ELAPOR2: variants seen among roughly 807,000 people sequenced by gnomAD.
The protein encoded by ELAPOR2 is endosome/lysosome-associated apoptosis and autophagy regulator family member 2.
ELAPOR2 carries 89 observed loss-of-function variants against 120.7 expected under a neutral mutation model. The observed-to-expected ratio is 0.74, with a 90% confidence interval of 0.62 to 0.88. ELAPOR2 has a LOEUF of 0.88. ELAPOR2 is among the 40% of genes least tolerant of loss of function. ELAPOR2 has a pLI of 0.00. For missense variants in ELAPOR2, 1,134 were observed against 1,251.6 expected, an observed-to-expected ratio of 0.91 and a Z score of 1.42; for synonymous variants, 444 against 444.9, an observed-to-expected ratio of 1.00 and a Z score of 0.03.
chr7:87,004,361 A>T (rs1249434049), intron 1 of ELAPOR2, among the ~76,000 whole-genome samples: 1 of 152,170 alleles, frequency 6.6e-6, no homozygotes, highest in Non-Finnish European at 1.5e-5. Flanking sequence ...TATGAAACAA[A>T]ATCAATGTTT....
chr7:86,925,493 C>G, intron 10 of ELAPOR2, 35 bp downstream of exon 10: 1 of 1,605,778 alleles, frequency 6.2e-7, no homozygotes, highest in South Asian at 1.1e-5. Flanking sequence ...GTCTCTATTG[C>G]TGAAATACAT....
intron 2 of ELAPOR2, among the ~76,000 whole-genome samples, chr7:86,961,889 G>A (rs752637424): frequency 3.9e-5 from 6 of 152,152 alleles, no homozygotes; most frequent in South Asian, 2.1e-4. Context: ...TGGAGCTAGC[G>A]GAGAGGAGGA....
chr7:86,981,990 G>A (rs1455538329), intron 1 of ELAPOR2, among the ~76,000 whole-genome samples: 1 of 152,246 alleles, frequency 6.6e-6, no homozygotes, highest in East Asian at 1.9e-4. Flanking sequence ...TTAGCAAACG[G>A]CAAGCCAAGA....
chr7:87,023,904 C>T (rs550556336), intron 1 of ELAPOR2, among the ~76,000 whole-genome samples: 11 of 152,214 alleles, frequency 7.2e-5, no homozygotes, highest in South Asian at 4.2e-4. Flanking sequence ...GTGATTTTTG[C>T]ACACTGATTT....
chr7:87,006,306 G>A (rs143725548), intron 1 of ELAPOR2, among the ~76,000 whole-genome samples: 11 of 147,642 alleles, frequency 7.5e-5, no homozygotes, highest in African/African-American at 2.5e-4. Flanking sequence ...CCAGGGAAAT[G>A]CAAATTAAAA....
At chr7:86,885,823 C>T (rs962622111) in intron 21 of ELAPOR2, among the ~76,000 whole-genome samples, 17 of 152,160 alleles carry the variant, frequency 1.1e-4, no homozygotes, top group African/African-American at 4.1e-4. Context: ...GTTGCTTCTA[C>T]ATCTGAATAT....
At chr7:86,899,676 G>A (rs1788623349) in intron 18 of ELAPOR2, among the ~76,000 whole-genome samples, 1 of 152,036 alleles carries the variant, frequency 6.6e-6, no homozygotes, top group African/African-American at 2.4e-5. Flanking sequence ...ATTTTTACAT[G>A]CCTATCTTTC....
In ELAPOR2 at chr7:86,879,340, A is replaced by G. The variant is rs1250025261; in HGVS notation, c.*1131T>C. On this transcript the variant is annotated 3_prime_UTR_variant, in exon 22 of 22. Transcript: ENST00000450689. ...TCTGGATCACTTTTGAATAAGAACA[A>G]TAATTCTTTCATAACTGCTTATGAA... 3.3e-5 allele frequency: 5 copies of G among 152,208 alleles called. No individual in the cohort carries two copies. The highest frequency in any genetic ancestry group is 7.3e-5 in the Non-Finnish European group (5 of 68,032). The allele number at this position is 152,208 out of a possible 1,614,324, so 9.4% of individuals were successfully genotyped here.
At chr7:87,018,328 C>T in intron 1 of ELAPOR2, among the ~76,000 whole-genome samples, 1 of 152,092 alleles carries the variant, frequency 6.6e-6, no homozygotes, top group East Asian at 1.9e-4. Context: ...CGCGAGCCAC[C>T]ACGCCCGGCC....
At chr7:86,898,185 C>T (rs918955478) in intron 18 of ELAPOR2, among the ~76,000 whole-genome samples, 4 of 152,076 alleles carry the variant, frequency 2.6e-5, no homozygotes, top group African/African-American at 9.7e-5. Flanking sequence ...GTAAGGCATA[C>T]CACAACTTGG....
chr7:86,896,164 G>A (rs967713156), intron 19 of ELAPOR2, among the ~76,000 whole-genome samples: 1 of 151,976 alleles, frequency 6.6e-6, no homozygotes, highest in African/African-American at 2.4e-5. Context: ...TTTGTATAAT[G>A]CTTTAAATTA....
chr7:87,046,561 G>A (rs910089556), intron 1 of ELAPOR2, among the ~76,000 whole-genome samples: 10 of 152,268 alleles, frequency 6.6e-5, no homozygotes, highest in Admixed American at 2.6e-4. Flanking sequence ...ATGTGTCGAC[G>A]GAGGGAACTG....
At chr7:86,986,997 G>C (rs1387821678) in intron 1 of ELAPOR2, among the ~76,000 whole-genome samples, 5 of 150,338 alleles carry the variant, frequency 3.3e-5, no homozygotes, top group African/African-American at 9.8e-5. Flanking sequence ...CCAAAACAGA[G>C]ACATAGACCA....
chr7:86,900,768 C>T (rs954142112), intron 18 of ELAPOR2, among the ~76,000 whole-genome samples: 4 of 152,122 alleles, frequency 2.6e-5, no homozygotes, highest in Admixed American at 6.6e-5. Flanking sequence ...ATCAGTCCTT[C>T]CGTGTGAAAC....
intron 8 of ELAPOR2, among the ~76,000 whole-genome samples, chr7:86,927,355 G>T (rs1230921638): frequency 6.6e-6 from 1 of 151,820 alleles, no homozygotes; most frequent in South Asian, 2.1e-4. Flanking sequence ...TCACAAAAAG[G>T]TTATTTTTCA....
intron 2 of ELAPOR2, among the ~76,000 whole-genome samples, chr7:86,956,089 T>C (rs1040295886): frequency 6.6e-6 from 1 of 152,124 alleles, no homozygotes; most frequent in Non-Finnish European, 1.5e-5. Context: ...CCATCTGAAG[T>C]AACAGATGCA....
intron 1 of ELAPOR2, among the ~76,000 whole-genome samples, chr7:86,988,229 G>A (rs1792824471): frequency 6.6e-6 from 1 of 152,122 alleles, no homozygotes; most frequent in Non-Finnish European, 1.5e-5. Context: ...GATAGCACTG[G>A]GAGAAATACC....
chr7:87,030,047 A>T (rs1400785017), intron 1 of ELAPOR2, among the ~76,000 whole-genome samples: 2 of 152,158 alleles, frequency 1.3e-5, no homozygotes, highest in Non-Finnish European at 2.9e-5. Context: ...TTGGAAAGAG[A>T]ATTGAGGAAA....
intron 2 of ELAPOR2, among the ~76,000 whole-genome samples, chr7:86,957,661 C>A (rs1213472365): frequency 2.6e-5 from 4 of 152,130 alleles, no homozygotes; most frequent in African/African-American, 7.2e-5. Flanking sequence ...CTCCTAAATT[C>A]TAAATGTTAC....
Sources: allele counts gnomAD v4.1 joint callset (sites outside exome capture counted in the v4.1 genomes callset), GRCh38; gene constraint gnomAD v4.1.1; transcripts MANE v1.5; gene names NCBI Gene and HGNC (gene_info 2026-07-23, HGNC 2026-07-21).